The following REV3L variants were observed in gnomAD, a reference collection of about 807,000 sequenced individuals.
REV3L encodes DNA polymerase zeta catalytic subunit.
In REV3L, 69 loss-of-function variants were observed where a neutral mutation model predicts 299.4. That is an observed-to-expected ratio of 0.23 (90% CI 0.19 to 0.28). The LOEUF (loss-of-function observed/expected upper bound fraction) is 0.28. Ranked by LOEUF, REV3L falls within the 10% of genes least tolerant of loss-of-function variation. The pLI is 1.00. For missense variants in REV3L, 3,128 were observed against 3,693.8 expected (o/e 0.85, Z 3.97); for synonymous variants, 1,238 against 1,271.4 (o/e 0.97, Z 0.56).
chr6:111,399,675 G>T (rs1782887783), intron 4 of REV3L, among the ~76,000 whole-genome samples: 1 of 151,956 alleles, frequency 6.6e-6, no homozygotes, highest in African/African-American at 2.4e-5. Context: ...TGAGTAGACT[G>T]GGGTTACGAG....
intron 17 of REV3L, 137 bp downstream of exon 17, chr6:111,358,685 C>G (rs1778341702): frequency 8.1e-6 from 5 of 617,214 alleles, no homozygotes; most frequent in Non-Finnish European, 1.3e-5. Flanking sequence ...TATACACAAT[C>G]TCCTACCCCT....
At position 111,374,041 on chromosome 6, in the gene REV3L, G is replaced by A. The variant is rs771040070; in HGVS notation, c.4314C>T (p.His1438=). The change falls in exon 13 of 32, where the codon CAC becomes CAT. Residue 1438 remains histidine, a synonymous_variant. Transcript: ENST00000368802. ...QIVCIAEQSK[H]SETCSPGNTA... ...TATTTCCCGGAGAACAAGTTTCACT[G>A]TGCTTTGACTGTTCCGCTATGCACA... The A allele has an allele frequency of 8.7e-6, 14 of 1,614,120 alleles. No individual in the cohort carries two copies. In the South Asian group the frequency reaches 1.4e-4, roughly 16 times the overall value.
At chr6:111,352,692 T>A (rs1182587708) in intron 18 of REV3L, among the ~76,000 whole-genome samples, 1 of 152,082 alleles carries the variant, frequency 6.6e-6, no homozygotes, top group East Asian at 1.9e-4. Flanking sequence ...TGATTCAACT[T>A]AATGGAAGAA....
At chr6:111,462,595 A>G (rs1212937613) in intron 1 of REV3L, among the ~76,000 whole-genome samples, 1 of 152,198 alleles carries the variant, frequency 6.6e-6, no homozygotes, top group African/African-American at 2.4e-5. Context: ...TGAAAAATGT[A>G]CAAACCCACA....
chr6:111,481,620 G>A (rs1243940593), intron 1 of REV3L, among the ~76,000 whole-genome samples: 1 of 152,206 alleles, frequency 6.6e-6, no homozygotes, highest in Non-Finnish European at 1.5e-5. Context: ...GATGAATGGT[G>A]ATGAGGGCAA....
At chr6:111,330,444 TTGA>T in intron 24 of REV3L, 1 of 340,080 alleles carries the variant, frequency 2.9e-6, no homozygotes, top group Non-Finnish European at 6.2e-6. Flanking sequence ...AGTATTAACT[TTGA>T]TGATGATTCA....
chr6:111,349,218 C>T lies in REV3L; in HGVS notation c.7419G>A (p.Glu2473=), dbSNP rs1227836835. 6.8e-7 allele frequency: 1 copy of T among 1,462,786 alleles called. No individual in the cohort carries two copies. The allele number at this position is 1,462,786 out of a possible 1,614,324, so 90.6% of individuals were successfully genotyped here. The change falls in exon 20 of 32, where the codon GAG becomes GAA. Residue 2473 remains glutamate (E), a splice_region_variant and synonymous_variant. Transcript: ENST00000368802. Reference sequence around the variant, plus strand: ...ACAACATTTTGGATAAATCACCCACCTCATTTCTCATGATTCTCCAAAGAT... The same window carrying T: ...ACAACATTTTGGATAAATCACCCACTTCATTTCTCATGATTCTCCAAAGAT... ...TLNLWRIMRN[E]VALTNYTFEN...
Position 111,375,265 on chromosome 6 carries a change from G to C in REV3L, c.3090C>G (p.Ser1030=). 1 of 1,609,542 alleles carries C rather than the reference G, an allele frequency of 6.2e-7. No homozygotes were observed. Among genetic ancestry groups the C allele is most frequent in the Non-Finnish European group, 8.5e-7 (1 of 1,179,182 alleles). Residue 1030 remains serine (S), a synonymous_variant, in exon 13 of 32, where the codon TCC becomes TCG. Coordinates refer to ENST00000368802, the MANE Select transcript of REV3L (RefSeq NM_001372078.1). ...LKDFWPKVPD[S]PATKYPIYPL... is the part of the protein sequence containing the mutation. ...GATAAATGGGATATTTGGTTGCAGG[G>C]GAGTCGGGAACTTTTGGCCAAAAGT...
chr6:111,354,913 T>C (rs912435866), intron 18 of REV3L, among the ~76,000 whole-genome samples: 16 of 152,162 alleles, frequency 1.1e-4, no homozygotes, highest in Admixed American at 9.8e-4. Context: ...AAGGGTACTC[T>C]AGTAGAGGCA....
At chr6:111,318,261 G>A (rs1209880161) in intron 26 of REV3L, among the ~76,000 whole-genome samples, 2 of 151,574 alleles carry the variant, frequency 1.3e-5, no homozygotes, top group African/African-American at 2.4e-5. Context: ...CTAATTTTTT[G>A]TATTTTTAGT....
chr6:111,448,486 C>T (rs570951554), intron 1 of REV3L, among the ~76,000 whole-genome samples: 2 of 152,104 alleles, frequency 1.3e-5, no homozygotes, highest in East Asian at 3.9e-4. Context: ...AGGCACCGGC[C>T]ACCACACCCA....
chr6:111,402,918 C>T (rs987357700), intron 4 of REV3L, among the ~76,000 whole-genome samples: 10 of 151,988 alleles, frequency 6.6e-5, no homozygotes, highest in Admixed American at 2.0e-4. Flanking sequence ...GGTAGGTGTC[C>T]AAGAGAAATG....
At chr6:111,381,245 T>TA (rs60385293) in intron 10 of REV3L, 80 bp downstream of exon 10, 96,486 of 1,048,252 alleles carry the variant, frequency 0.092, 1 homozygote, top group East Asian at 0.12. Flanking sequence ...TTCAAGTCAA[T>TA]AAAAAAAAAA....
At chr6:111,401,056 A>G (rs998965710) in intron 4 of REV3L, among the ~76,000 whole-genome samples, 1 of 149,812 alleles carries the variant, frequency 6.7e-6, no homozygotes, top group Admixed American at 6.6e-5. Context: ...ATATGGGCCA[A>G]TTATGGATTA....
intron 3 of REV3L, among the ~76,000 whole-genome samples, chr6:111,410,744 C>CT (rs759918989): frequency 6.6e-6 from 1 of 152,124 alleles, no homozygotes; most frequent in Admixed American, 6.6e-5. Flanking sequence ...CCCTGTAGTG[C>CT]TTTAATTCAC....
At chr6:111,473,436 G>A (rs1792502765) in intron 1 of REV3L, among the ~76,000 whole-genome samples, 1 of 151,884 alleles carries the variant, frequency 6.6e-6, no homozygotes, top group South Asian at 2.1e-4. Flanking sequence ...AACTTGAAAG[G>A]TCTCATATAT....
rs1401989441 is a variant in REV3L, at chr6:111,373,648, T to A, written c.4707A>T (p.Lys1569Asn). 1 of 1,614,166 alleles carries A rather than the reference T, an allele frequency of 6.2e-7. No individual in the cohort carries two copies. The highest frequency in any genetic ancestry group is 8.5e-7 in the Non-Finnish European group (1 of 1,180,004). ...KNISGSLEHNKANKRTRSVTS... is the reference protein window; with the variant it reads ...KNISGSLEHNNANKRTRSVTS... Reference sequence around the variant, plus strand: ...TTACCGATCGTGTCCGTTTATTTGCTTTGTTATGCTCAAGGGAACCAGAAA... The same window carrying A: ...TTACCGATCGTGTCCGTTTATTTGCATTGTTATGCTCAAGGGAACCAGAAA... Residue 1569 changes from lysine to asparagine, a missense_variant, in exon 13 of 32, where the codon AAA becomes AAT. Lys to Asn is a moderately conservative substitution (Grantham distance 94, BLOSUM62 0). Transcript: ENST00000368802.
intron 4 of REV3L, among the ~76,000 whole-genome samples, chr6:111,401,693 A>G (rs1165751009): frequency 6.6e-6 from 1 of 151,988 alleles, no homozygotes; most frequent in Admixed American, 6.6e-5. Flanking sequence ...TTCTGAAAAA[A>G]AGTTTAAATG....
At chr6:111,370,968 CT>C (rs79890907) in intron 13 of REV3L, among the ~76,000 whole-genome samples, 118 of 145,688 alleles carry the variant, frequency 8.1e-4, no homozygotes, top group East Asian at 2.4e-3. Flanking sequence ...TTGTATCTTT[CT>C]TTTTTTTTTT....
Sources: gnomAD v4.1 joint callset for allele counts (sites outside exome capture counted in the v4.1 genomes callset) on GRCh38, gnomAD v4.1.1 for gene constraint, MANE v1.5 for transcripts, NCBI Gene and HGNC (gene_info 2026-07-23, HGNC 2026-07-21) for gene names.